RBMS1: variants seen among roughly 807,000 people sequenced by gnomAD.
RBMS1 encodes the protein RNA-binding motif, single-stranded-interacting protein 1.
RBMS1 carries 17 observed loss-of-function variants against 62.3 expected under a neutral mutation model. That is an observed-to-expected ratio of 0.27 (90% CI 0.19 to 0.41). The LOEUF is 0.41. RBMS1 is among the 10% of genes least tolerant of loss of function. The pLI is 1.00. For synonymous variants in RBMS1, 172 were observed against 170.0 expected, an observed-to-expected ratio of 1.01 and a Z score of -0.09; for missense variants, 334 against 504.5, an observed-to-expected ratio of 0.66 and a Z score of 3.24.
At chr2:160,391,564 A>G (rs568046582) in intron 1 of RBMS1, among the ~76,000 whole-genome samples, 4 of 152,246 alleles carry the variant, frequency 2.6e-5, no homozygotes, top group African/African-American at 9.6e-5. Context: ...TTTTGCCATA[A>G]AATATTTTTA....
chr2:160,332,995 A>T (rs1329083875), intron 2 of RBMS1, among the ~76,000 whole-genome samples: 3 of 151,958 alleles, frequency 2.0e-5, no homozygotes, highest in African/African-American at 4.8e-5. Flanking sequence ...CATACATAAA[A>T]TAAGTATAAA....
intron 1 of RBMS1, among the ~76,000 whole-genome samples, chr2:160,398,138 T>C (rs1235813521): frequency 3.3e-5 from 5 of 152,218 alleles, no homozygotes; most frequent in Admixed American, 2.0e-4. Flanking sequence ...GTGTAATTCA[T>C]GTGGACAAGT....
intron 2 of RBMS1, among the ~76,000 whole-genome samples, chr2:160,329,719 T>C (rs932161627): frequency 1.3e-4 from 19 of 151,896 alleles, no homozygotes; most frequent in African/African-American, 4.3e-4. Context: ...CAGATAATGA[T>C]GTTCTTCTGC....
intron 4 of RBMS1, among the ~76,000 whole-genome samples, chr2:160,311,262 T>C (rs1361635844): frequency 1.4e-4 from 11 of 78,594 alleles, no homozygotes; most frequent in Admixed American, 9.5e-4. Context: ...ATATATAGTC[T>C]GTTTATTTTA....
At chr2:160,331,253 A>G (rs187652236) in intron 2 of RBMS1, among the ~76,000 whole-genome samples, 2 of 152,282 alleles carry the variant, frequency 1.3e-5, no homozygotes, top group Admixed American at 1.3e-4. Flanking sequence ...GTATATCGCT[A>G]TACAGGTCCC....
intron 3 of RBMS1, among the ~76,000 whole-genome samples, chr2:160,314,178 T>C (rs1402977885): frequency 2.0e-5 from 3 of 152,150 alleles, no homozygotes; most frequent in East Asian, 3.8e-4. Context: ...GCATAAGCAC[T>C]AACAGCCTCA....
chr2:160,471,716 T>TATATATATATATATATATATA (rs371634389), intron 1 of RBMS1, among the ~76,000 whole-genome samples: 138 of 76,146 alleles, frequency 1.8e-3, no homozygotes, highest in Admixed American at 2.4e-3. Context: ...TATATATATA[T>TATATATATATATATATATATA]AACCTTTCAT....
chr2:160,342,823 A>G (rs1333281484), intron 2 of RBMS1, among the ~76,000 whole-genome samples: 2 of 151,652 alleles, frequency 1.3e-5, no homozygotes, highest in East Asian at 3.9e-4. Context: ...TTGTAATCCT[A>G]GTTACTTGGG....
At chr2:160,291,991 A>T (rs1040467159) in intron 6 of RBMS1, among the ~76,000 whole-genome samples, 3 of 152,182 alleles carry the variant, frequency 2.0e-5, no homozygotes, top group African/African-American at 7.2e-5. Flanking sequence ...CTTTTCTTCT[A>T]CCATTTATGT....
At chr2:160,308,356 A>G (rs1432442217) in intron 4 of RBMS1, among the ~76,000 whole-genome samples, 1 of 152,054 alleles carries the variant, frequency 6.6e-6, no homozygotes, top group Non-Finnish European at 1.5e-5. Context: ...ATATCACCCC[A>G]CTGCACTCCA....
At chr2:160,311,228 C>CTATATATCTATATATCTATATATATATA (rs1252861710) in intron 4 of RBMS1, among the ~76,000 whole-genome samples, 12 of 95,920 alleles carry the variant, frequency 1.3e-4, no homozygotes, top group African/African-American at 4.3e-4. Context: ...ATCTATCTAT[C>CTATATATCTATATATCTATATATATATA]TATCTATATA....
chr2:160,272,278 TAC>T lies in RBMS1; in HGVS notation c.*2492_*2493del, dbSNP rs1488193107. ...AACAACAAGTCCTAGGAAAGAAAAC[TAC>T]AGAGTTATCTTGAACCGGACAAATA... On this transcript the variant is annotated 3_prime_UTR_variant, in exon 14 of 14. Transcript: ENST00000348849. The T allele has an allele frequency of 1.3e-5, 2 of 152,294 alleles. No individual in the cohort carries two copies. The highest frequency in any genetic ancestry group is 1.9e-4 in the East Asian group (1 of 5,196). The allele number at this position is 152,294 out of a possible 1,614,324, so 9.4% of individuals were successfully genotyped here. A position where few individuals can be genotyped will look rare whatever the true frequency, so the allele number is the denominator to read the frequency against.
intron 1 of RBMS1, among the ~76,000 whole-genome samples, chr2:160,399,226 G>A (rs1030877415): frequency 8.5e-5 from 13 of 152,146 alleles, no homozygotes; most frequent in African/African-American, 2.4e-4. Context: ...ATGCAGTCAC[G>A]AGAACTTTTG....
intron 2 of RBMS1, among the ~76,000 whole-genome samples, chr2:160,364,922 A>C (rs1559450056): frequency 6.6e-6 from 1 of 152,166 alleles, no homozygotes. Context: ...TTTTAGTTCT[A>C]AGTATTTCTT....
chr2:160,409,526 G>C (rs1695935270), intron 1 of RBMS1, among the ~76,000 whole-genome samples: 1 of 152,120 alleles, frequency 6.6e-6, no homozygotes, highest in African/African-American at 2.4e-5. Context: ...ACCCTTTACT[G>C]CAAGTTATCA....
chr2:160,447,164 G>C (rs141622346), intron 1 of RBMS1, among the ~76,000 whole-genome samples: 1 of 152,268 alleles, frequency 6.6e-6, no homozygotes, highest in Non-Finnish European at 1.5e-5. Flanking sequence ...CTAGGTGGGC[G>C]AGTGAGCTAC....
At chr2:160,319,438 G>A (rs1407329238) in intron 2 of RBMS1, among the ~76,000 whole-genome samples, 1 of 152,158 alleles carries the variant, frequency 6.6e-6, no homozygotes, top group African/African-American at 2.4e-5. Context: ...CATGAACCGG[G>A]GAGGCGGAGA....
intron 10 of RBMS1, chr2:160,279,843 T>C (rs922724924): frequency 6.6e-6 from 1 of 152,218 alleles, no homozygotes; most frequent in East Asian, 1.9e-4. Flanking sequence ...GGAAAGGTAA[T>C]GAATCCTCAG....
intron 6 of RBMS1, among the ~76,000 whole-genome samples, chr2:160,292,197 A>C (rs560114435): frequency 6.6e-6 from 1 of 152,202 alleles, no homozygotes; most frequent in African/African-American, 2.4e-5. Flanking sequence ...TTAGTCTCCA[A>C]GGGTTTAAAA....
Sources: gnomAD v4.1 joint callset for allele counts (sites outside exome capture counted in the v4.1 genomes callset) on GRCh38, gnomAD v4.1.1 for gene constraint, MANE v1.5 for transcripts, NCBI Gene and HGNC (gene_info 2026-07-23, HGNC 2026-07-21) for gene names.